The following SLC5A4 variants were observed in gnomAD, a reference collection of about 807,000 sequenced individuals.
SLC5A4 encodes the protein probable glucose sensor protein SLC5A4.
In SLC5A4, 55 loss-of-function variants were observed where a neutral mutation model predicts 70.3. The observed-to-expected ratio is 0.78, with a 90% confidence interval of 0.63 to 0.98. The LOEUF is 0.98. Ranked by LOEUF, SLC5A4 falls within the 50% of genes least tolerant of loss-of-function variation. The pLI is 0.00. For synonymous variants in SLC5A4, 268 were observed against 305.7 expected (o/e 0.88, Z 1.29); for missense variants, 735 against 839.2 (o/e 0.88, Z 1.53).
the SLC5A4 span, among the ~76,000 whole-genome samples, chr22:32,313,589 TTA>T: frequency 6.6e-6 from 1 of 152,206 alleles, no homozygotes; most frequent in Non-Finnish European, 1.5e-5. Flanking sequence ...TGCTGGGCAC[TTA>T]TAGCTTTGAA....
rs777426538 is a variant in SLC5A4 at position 32,225,688 on chromosome 22, C to G, written c.1416G>C (p.Val472=). ...TGACTCTTTTACAGAAGATGGCAAGCACAAAGACAGCTGCAATTGGAGGCC... is the reference window on the plus strand; with the variant it reads ...TGACTCTTTTACAGAAGATGGCAAGGACAAAGACAGCTGCAATTGGAGGCC... The part of the protein sequence containing the change: ...YLGPPIAAVF[V]LAIFCKRVNE... The change falls in exon 12 of 15, where the codon GTG becomes GTC. Residue 472 remains valine (V), a synonymous_variant. Transcript: ENST00000266086. 1 of 1,613,218 alleles carries G rather than the reference C, an allele frequency of 6.2e-7. No individual in the cohort carries two copies. The highest frequency in any genetic ancestry group is 1.3e-5 in the African/African-American group (1 of 74,986).
At chr22:32,305,639 G>A in the SLC5A4 span, among the ~76,000 whole-genome samples, 2 of 137,922 alleles carry the variant, frequency 1.5e-5, 1 homozygote, top group African/African-American at 5.5e-5. Context: ...CCTGCTGGCG[G>A]GTGGGGCCAG....
intron 5 of SLC5A4, among the ~76,000 whole-genome samples, chr22:32,241,519 C>T (rs771954641): frequency 2.0e-4 from 31 of 152,114 alleles, no homozygotes; most frequent in Non-Finnish European, 3.4e-4. Flanking sequence ...CGAGGCAATT[C>T]GGAAATAATT....
At chr22:32,241,827 GTATA>G (rs1019755071) in intron 5 of SLC5A4, among the ~76,000 whole-genome samples, 6 of 141,618 alleles carry the variant, frequency 4.2e-5, no homozygotes, top group African/African-American at 1.4e-4. Context: ...ATGTGTGTGT[GTATA>G]TATATATCTG....
the SLC5A4 span, among the ~76,000 whole-genome samples, chr22:32,261,825 A>G: frequency 6.6e-6 from 1 of 152,170 alleles, no homozygotes; most frequent in African/African-American, 2.4e-5. Context: ...CAGCTCCACA[A>G]TACCCTCCCC....
At chr22:32,280,068 T>C in the SLC5A4 span, among the ~76,000 whole-genome samples, 1 of 152,178 alleles carries the variant, frequency 6.6e-6, no homozygotes, top group East Asian at 1.9e-4. Context: ...CAGGCTGGAG[T>C]GCAATGGCAC....
At chr22:32,248,903 T>G (rs1926986879) in intron 3 of SLC5A4, 101 bp from the exon 4 acceptor site, 3 of 810,708 alleles carry the variant, frequency 3.7e-6, no homozygotes, top group South Asian at 2.9e-5. Flanking sequence ...AAAAAAAAAG[T>G]TGGCTCAATC....
At chr22:32,302,138 C>G in the SLC5A4 span, among the ~76,000 whole-genome samples, 3 of 152,132 alleles carry the variant, frequency 2.0e-5, no homozygotes, top group Non-Finnish European at 4.4e-5. Context: ...ATAAATTGAA[C>G]TTCCTCAAAA....
At chr22:32,280,192 T>G in the SLC5A4 span, among the ~76,000 whole-genome samples, 1 of 152,118 alleles carries the variant, frequency 6.6e-6, no homozygotes, top group African/African-American at 2.4e-5. Flanking sequence ...ATTTGTGTGT[T>G]TTTAGTAGAG....
At chr22:32,257,039 G>A (rs542481061), upstream of SLC5A4, among the ~76,000 whole-genome samples, 2 of 152,334 alleles carry the variant, frequency 1.3e-5, no homozygotes, top group South Asian at 2.1e-4. Flanking sequence ...CAGTGCATAG[G>A]AGAGTTAATT....
the SLC5A4 span, among the ~76,000 whole-genome samples, chr22:32,345,082 T>C: frequency 2.6e-5 from 4 of 152,154 alleles, no homozygotes; most frequent in African/African-American, 7.2e-5. Flanking sequence ...TAACCACATT[T>C]TCAAGTTTAG....
chr22:32,333,116 G>A, the SLC5A4 span, among the ~76,000 whole-genome samples: 3 of 151,980 alleles, frequency 2.0e-5, no homozygotes, highest in African/African-American at 7.2e-5. Context: ...GCCTGCCCGA[G>A]GTTAAACAGT....
chr22:32,335,749 G>A, the SLC5A4 span, among the ~76,000 whole-genome samples: 1 of 152,292 alleles, frequency 6.6e-6, no homozygotes, highest in African/African-American at 2.4e-5. Context: ...AGCACACAGG[G>A]TGTGACAGAC....
intron 13 of SLC5A4, among the ~76,000 whole-genome samples, chr22:32,221,754 T>A (rs561515117): frequency 6.6e-6 from 1 of 152,242 alleles, no homozygotes; most frequent in African/African-American, 2.4e-5. Context: ...TTTGTTTGTT[T>A]GTTTTGTTTT....
chr22:32,333,340 A>AC, the SLC5A4 span, among the ~76,000 whole-genome samples: 68 of 152,022 alleles, frequency 4.5e-4, 1 homozygote, highest in Non-Finnish European at 3.2e-4. Context: ...AAGGAGCATG[A>AC]CCTCAGTGAG....
At chr22:32,343,585 T>G in the SLC5A4 span, among the ~76,000 whole-genome samples, 1 of 152,234 alleles carries the variant, frequency 6.6e-6, no homozygotes, top group Non-Finnish European at 1.5e-5. Context: ...TCTTAGCTAC[T>G]GTTAGTTAGA....
At chr22:32,305,969 G>C in the SLC5A4 span, among the ~76,000 whole-genome samples, 2 of 151,990 alleles carry the variant, frequency 1.3e-5, no homozygotes, top group Non-Finnish European at 2.9e-5. Flanking sequence ...TGAGTGTGCA[G>C]GATGGACTCA....
chr22:32,247,298 C>T lies in SLC5A4; in HGVS notation c.477+113G>A. Reference sequence around the variant, plus strand: ...CCTGAGAATTTAAGACATCCATATCCTTGACCCTTTAAAGGCTGTTGACAG... The same window carrying T: ...CCTGAGAATTTAAGACATCCATATCTTTGACCCTTTAAAGGCTGTTGACAG... On this transcript the variant is annotated intron_variant, in intron 5 of 14. Transcript: ENST00000266086. The T allele has an allele frequency of 7.2e-6, 5 of 692,180 alleles. No homozygotes were observed. The South Asian group carries it at 8.3e-5, about 12-fold the overall frequency. The allele number at this position is 692,180 out of a possible 1,614,324, so 42.9% of individuals were successfully genotyped here. A position where few individuals can be genotyped will look rare whatever the true frequency, so the allele number is the denominator to read the frequency against.
chr22:32,324,815 T>G, the SLC5A4 span, among the ~76,000 whole-genome samples: 3 of 152,200 alleles, frequency 2.0e-5, no homozygotes, highest in African/African-American at 7.2e-5. Flanking sequence ...AGCAGGGCTA[T>G]CACTCCTGTG....
Sources: gnomAD v4.1 joint callset for allele counts (sites outside exome capture counted in the v4.1 genomes callset) on GRCh38, gnomAD v4.1.1 for gene constraint, MANE v1.5 for transcripts, NCBI Gene and HGNC (gene_info 2026-07-23, HGNC 2026-07-21) for gene names.